The following KIAA1217 variants were observed in gnomAD, a reference collection of about 807,000 sequenced individuals.
The protein encoded by KIAA1217 is KIAA1217, also known as sickle tail protein homolog.
In KIAA1217, 88 loss-of-function variants were observed where a neutral mutation model predicts 163.9. That is an observed-to-expected ratio of 0.54 (90% confidence interval 0.45 to 0.64). KIAA1217 has a LOEUF of 0.64. Ranked by LOEUF, KIAA1217 falls within the 30% of genes least tolerant of loss-of-function variation. The pLI is 0.00. For synonymous variants in KIAA1217, 903 were observed against 923.1 expected (o/e 0.98, Z 0.39); for missense variants, 2,372 against 2,475.0 (o/e 0.96, Z 0.88).
chr10:24,022,243 T>C (rs1847765907), intron 2 of KIAA1217, among the ~76,000 whole-genome samples: 1 of 151,092 alleles, frequency 6.6e-6, no homozygotes, highest in South Asian at 2.1e-4. Flanking sequence ...CAACGAACAC[T>C]TAAAACTCAG....
chr10:24,545,751 C>G, intron 20 of KIAA1217, 76 bp from the exon 21 acceptor site: 1 of 1,525,002 alleles, frequency 6.6e-7, no homozygotes, highest in Non-Finnish European at 8.8e-7. Context: ...CTCAGAAGGG[C>G]TGTGTTGCCA....
At chr10:24,243,293 G>T (rs1456723639) in intron 2 of KIAA1217, among the ~76,000 whole-genome samples, 1 of 152,040 alleles carries the variant, frequency 6.6e-6, no homozygotes, top group Non-Finnish European at 1.5e-5. Context: ...GATTCAGGGG[G>T]TACATGTGCA....
intron 6 of KIAA1217, among the ~76,000 whole-genome samples, chr10:24,484,499 G>A (rs900988466): frequency 2.6e-5 from 4 of 151,378 alleles, no homozygotes; most frequent in South Asian, 2.1e-4. Flanking sequence ...CGCCCACCTC[G>A]GCCTCCCAAA....
chr10:24,339,707 A>G (rs1591108760), intron 2 of KIAA1217, among the ~76,000 whole-genome samples: 3 of 152,246 alleles, frequency 2.0e-5, no homozygotes, highest in South Asian at 4.1e-4. Context: ...CTCAATGAGG[A>G]TAGCACATTA....
chr10:23,831,237 AC>A (rs550123570), intron 1 of KIAA1217, among the ~76,000 whole-genome samples: 70 of 152,234 alleles, frequency 4.6e-4, no homozygotes, highest in African/African-American at 1.6e-3. Flanking sequence ...TGTAGGCAAC[AC>A]AAAAAAATAT....
intron 2 of KIAA1217, among the ~76,000 whole-genome samples, chr10:24,013,346 G>T (rs147282645): frequency 7.9e-4 from 120 of 151,646 alleles, no homozygotes; most frequent in African/African-American, 2.7e-3. Context: ...GAATATTTAT[G>T]TTATTTCAAT....
chr10:23,969,252 T>G (rs1000704259), intron 1 of KIAA1217, among the ~76,000 whole-genome samples: 1 of 152,210 alleles, frequency 6.6e-6, no homozygotes, highest in African/African-American at 2.4e-5. Flanking sequence ...GCCAGGCTGG[T>G]CTTAAACTCC....
rs1367067531 is a variant in KIAA1217, at chr10:24,247,012, C to CA, written c.354+27114dup. On this transcript the variant is annotated intron_variant, in intron 2 of 20. Transcript: ENST00000376454. ...TAGGTGACAGAGCAAGGCTCTGTCT[C>CA]AAAAAAAAAAACAACCATATATTAT... 7.1e-3 allele frequency among the ~76,000 whole-genome samples: 840 copies of CA among 117,626 alleles called. 12 individuals carry two copies. The highest frequency in any genetic ancestry group is 0.019 in the African/African-American group (667 of 34,722). The allele number at this position is 117,626 out of a possible 152,430, so 77.2% of individuals were successfully genotyped here. A position where few individuals can be genotyped will look rare whatever the true frequency, so the allele number is the denominator to read the frequency against.
At chr10:24,242,786 G>A (rs769919273) in intron 2 of KIAA1217, among the ~76,000 whole-genome samples, 2 of 152,128 alleles carry the variant, frequency 1.3e-5, no homozygotes, top group Admixed American at 6.5e-5. Context: ...CATTCTGACC[G>A]GTGTGAGATG....
At chr10:23,972,293 C>T (rs1209029463) in intron 1 of KIAA1217, among the ~76,000 whole-genome samples, 1 of 152,208 alleles carries the variant, frequency 6.6e-6, no homozygotes. Context: ...AATCATTCTA[C>T]TATAAAGACA....
chr10:23,842,279 C>T (rs1838824948), intron 1 of KIAA1217, among the ~76,000 whole-genome samples: 2 of 152,170 alleles, frequency 1.3e-5, no homozygotes, highest in Admixed American at 6.6e-5. Flanking sequence ...GCCAAAAACT[C>T]CTAAGTTCAA....
chr10:24,010,717 A>G (rs1342234425), intron 2 of KIAA1217, among the ~76,000 whole-genome samples: 1 of 151,584 alleles, frequency 6.6e-6, no homozygotes, highest in African/African-American at 2.4e-5. Flanking sequence ...AGGGAACTTT[A>G]AAACCAGTGG....
intron 2 of KIAA1217, among the ~76,000 whole-genome samples, chr10:24,137,167 T>C (rs539482098): frequency 6.6e-6 from 1 of 152,308 alleles, no homozygotes; most frequent in East Asian, 1.9e-4. Context: ...AGTAAAAGAA[T>C]TGTTGACATC....
chr10:24,331,416 A>C (rs2045653126), intron 2 of KIAA1217, among the ~76,000 whole-genome samples: 1 of 152,264 alleles, frequency 6.6e-6, no homozygotes, highest in Non-Finnish European at 1.5e-5. Context: ...TGAATGTATG[A>C]AAGCAGATTT....
At chr10:23,732,864 C>A (rs11013675) in intron 1 of KIAA1217, among the ~76,000 whole-genome samples, 2 of 152,044 alleles carry the variant, frequency 1.3e-5, no homozygotes, top group Admixed American at 1.3e-4. Flanking sequence ...AGAACTTTAA[C>A]ATTGCTCTTT....
At chr10:23,924,563 T>A (rs925553714) in intron 1 of KIAA1217, among the ~76,000 whole-genome samples, 11 of 152,302 alleles carry the variant, frequency 7.2e-5, no homozygotes, top group African/African-American at 2.4e-4. Context: ...TCCTGTCAGA[T>A]GAGCAAAATT....
At chr10:24,108,230 C>A (rs1446125986) in intron 2 of KIAA1217, among the ~76,000 whole-genome samples, 1 of 152,180 alleles carries the variant, frequency 6.6e-6, no homozygotes, top group Non-Finnish European at 1.5e-5. Flanking sequence ...AAAATGCTAA[C>A]CTCCACTGAG....
chr10:23,924,832 T>G (rs1411254590), intron 1 of KIAA1217, among the ~76,000 whole-genome samples: 1 of 152,164 alleles, frequency 6.6e-6, no homozygotes, highest in African/African-American at 2.4e-5. Context: ...AAGACATTAC[T>G]GAAATTTGCA....
intron 1 of KIAA1217, among the ~76,000 whole-genome samples, chr10:23,726,665 G>A (rs1181169832): frequency 1.3e-5 from 2 of 151,938 alleles, no homozygotes; most frequent in East Asian, 3.9e-4. Flanking sequence ...CTGACAAAGG[G>A]CTAATATCCA....
Sources: allele counts gnomAD v4.1 joint callset (sites outside exome capture counted in the v4.1 genomes callset), GRCh38; gene constraint gnomAD v4.1.1; transcripts MANE v1.5; gene names NCBI Gene and HGNC (gene_info 2026-07-23, HGNC 2026-07-21).